Variants in STS observed in about 807,000 individuals in gnomAD.
STS encodes the protein steryl-sulfatase.
In STS, 7 loss-of-function variants were observed where a neutral mutation model predicts 26.8. The ratio of observed to expected loss-of-function variants is 0.26; its 90% CI spans 0.15 to 0.49. The LOEUF (loss-of-function observed/expected upper bound fraction) is 0.49, where lower values mean the gene tolerates loss of function less well. STS is among the 20% of genes least tolerant of loss of function. STS has a pLI of 0.98. For synonymous variants in STS, 199 were observed against 189.4 expected, an observed-to-expected ratio of 1.05 and a Z score of -0.42; for missense variants, 434 against 465.6, an observed-to-expected ratio of 0.93 and a Z score of 0.63.
At chrX:7,303,070 G>A (rs1349869509) in intron 7 of STS, among the ~76,000 whole-genome samples, 12 of 111,525 alleles carry the variant, frequency 1.1e-4, no homozygotes, top group Admixed American at 9.5e-4. Flanking sequence ...ATCTTGAATT[G>A]TAGCACCCAT....
At chrX:7,321,646 A>G (rs1927037939) in intron 8 of STS, among the ~76,000 whole-genome samples, 1 of 112,326 alleles carries the variant, frequency 8.9e-6, no homozygotes, top group South Asian at 3.7e-4. Context: ...ATTTATTTCC[A>G]GTTGACTCAC....
At chrX:7,306,007 A>C (rs1203760779) in intron 8 of STS, among the ~76,000 whole-genome samples, 1 of 111,498 alleles carries the variant, frequency 9.0e-6, no homozygotes, top group Non-Finnish European at 1.9e-5. Context: ...TTGAGCTAAC[A>C]CTTTTCAAAA....
intron 9 of STS, among the ~76,000 whole-genome samples, chrX:7,328,847 C>G (rs1282378580): frequency 1.8e-5 from 2 of 111,134 alleles, no homozygotes; most frequent in Non-Finnish European, 3.8e-5. Flanking sequence ...AGGTGCGCAC[C>G]ATCACGCCCA....
At chrX:7,314,418 G>C (rs937780494) in intron 8 of STS, among the ~76,000 whole-genome samples, 2 of 111,871 alleles carry the variant, frequency 1.8e-5, no homozygotes, top group Non-Finnish European at 3.8e-5. Flanking sequence ...ATCATGTCCG[G>C]GCATTGAGCT....
intron 2 of STS, among the ~76,000 whole-genome samples, chrX:7,197,366 G>T (rs1480499491): frequency 9.0e-6 from 1 of 111,545 alleles, no homozygotes; most frequent in Non-Finnish European, 1.9e-5. Context: ...CCAAGACAGG[G>T]TTCCTGGATC....
chrX:7,345,884 G>A (rs1478825527), intron 10 of STS, among the ~76,000 whole-genome samples: 18 of 111,755 alleles, frequency 1.6e-4, no homozygotes, highest in Non-Finnish European at 2.1e-4. Flanking sequence ...TCTGGTTTGC[G>A]CCCTCTCTAT....
At chrX:7,289,728 G>C (rs778009363) in intron 7 of STS, among the ~76,000 whole-genome samples, 3 of 111,168 alleles carry the variant, frequency 2.7e-5, no homozygotes, top group Non-Finnish European at 5.7e-5. Context: ...GCGTGATCTC[G>C]GCTCACTGCA....
intron 7 of STS, 140 bp downstream of exon 7, chrX:7,276,227 T>C: frequency 2.5e-6 from 2 of 798,400 alleles, no homozygotes; most frequent in East Asian, 7.3e-5. Flanking sequence ...TAACCAAAAA[T>C]GCATTGATCC....
chrX:7,258,918 A>AC (rs1923580931), intron 5 of STS, among the ~76,000 whole-genome samples: 1 of 110,700 alleles, frequency 9.0e-6, no homozygotes, highest in South Asian at 3.8e-4. Context: ...AAAAAAAAAA[A>AC]AACAAACTTG....
intron 6 of STS, among the ~76,000 whole-genome samples, chrX:7,263,940 A>G (rs756501698): frequency 1.8e-5 from 2 of 112,105 alleles, no homozygotes; most frequent in Non-Finnish European, 1.9e-5. Context: ...AGCAGCAAGT[A>G]TTAATGTAAA....
At chrX:7,195,459 C>A (rs1459849735) in intron 2 of STS, among the ~76,000 whole-genome samples, 2 of 112,075 alleles carry the variant, frequency 1.8e-5, no homozygotes, top group African/African-American at 6.5e-5. Flanking sequence ...AGTGCAAGAG[C>A]GACAAAGCCT....
intron 10 of STS, among the ~76,000 whole-genome samples, chrX:7,349,619 C>T (rs1928696715): frequency 1.8e-5 from 2 of 110,558 alleles, no homozygotes; most frequent in African/African-American, 6.6e-5. Context: ...ATTCTTGATT[C>T]GACATTTTTT....
At chrX:7,290,239 T>G (rs770521074) in intron 7 of STS, among the ~76,000 whole-genome samples, 12 of 111,689 alleles carry the variant, frequency 1.1e-4, no homozygotes, top group Admixed American at 1.1e-3. Context: ...TTAATGGTAC[T>G]GGCAGCATTA....
intron 7 of STS, among the ~76,000 whole-genome samples, chrX:7,290,688 CTT>C (rs1321542614): frequency 1.8e-5 from 2 of 112,058 alleles, no homozygotes; most frequent in African/African-American, 6.5e-5. Flanking sequence ...AAAGGACAGA[CTT>C]TGTGACCAGA....
chrX:7,204,614 C>A (rs185542255), intron 2 of STS, among the ~76,000 whole-genome samples: 75 of 100,319 alleles, frequency 7.5e-4, no homozygotes, highest in African/African-American at 2.6e-3. Flanking sequence ...TTTCTTCCTT[C>A]CCTTCCTTCT....
chrX:7,162,576 C>T (rs188714376), intron 1 of STS, among the ~76,000 whole-genome samples: 1 of 109,799 alleles, frequency 9.1e-6, no homozygotes, highest in Admixed American at 9.7e-5. Flanking sequence ...GTCTATCCAG[C>T]GATTCCCCAC....
At chrX:7,288,856 C>T (rs1014529825) in intron 7 of STS, among the ~76,000 whole-genome samples, 1 of 111,540 alleles carries the variant, frequency 9.0e-6, no homozygotes, top group Non-Finnish European at 1.9e-5. Flanking sequence ...TCTGCAAGGG[C>T]TATGCAGAGG....
chrX:7,300,068 C>T (rs1334863605), intron 7 of STS, among the ~76,000 whole-genome samples: 1 of 111,718 alleles, frequency 9.0e-6, no homozygotes, highest in African/African-American at 3.3e-5. Flanking sequence ...ATTTAGGCTT[C>T]CTCTGCAACC....
intron 8 of STS, 29 bp downstream of exon 8, chrX:7,305,212 G>A: frequency 8.3e-7 from 1 of 1,207,904 alleles, no homozygotes; most frequent in Middle Eastern, 2.3e-4. Context: ...GAGAAGCTCT[G>A]GCCTCTCAGC....
Sources: gnomAD v4.1 joint callset for allele counts (sites outside exome capture counted in the v4.1 genomes callset) on GRCh38, gnomAD v4.1.1 for gene constraint, MANE v1.5 for transcripts, NCBI Gene and HGNC (gene_info 2026-07-23, HGNC 2026-07-21) for gene names.